Variants in SEC24B observed in about 807,000 individuals in gnomAD.
The protein encoded by SEC24B is protein transport protein Sec24B.
A neutral mutation model predicts 142.8 loss-of-function variants in SEC24B; 45 were observed. The observed-to-expected ratio is 0.32, with a 90% CI of 0.25 to 0.40. SEC24B has a LOEUF of 0.40. Ranked by LOEUF, SEC24B falls within the 10% of genes least tolerant of loss-of-function variation. The pLI is 1.00. For synonymous variants in SEC24B, 574 were observed against 568.2 expected (o/e 1.01, Z -0.15); for missense variants, 1,409 against 1,526.8 (o/e 0.92, Z 1.29).
intron 3 of SEC24B, among the ~76,000 whole-genome samples, chr4:109,479,489 C>T (rs1733511530): frequency 6.6e-6 from 1 of 152,188 alleles, no homozygotes; most frequent in Non-Finnish European, 1.5e-5. Flanking sequence ...ATTCACATAT[C>T]CTAGAATAGA....
intron 1 of SEC24B, among the ~76,000 whole-genome samples, chr4:109,461,520 G>T (rs1731254078): frequency 6.6e-6 from 1 of 152,034 alleles, no homozygotes; most frequent in African/African-American, 2.4e-5. Context: ...GAATAATGAG[G>T]ATTTATATAT....
chr4:109,515,170 G>A (rs185293594), intron 10 of SEC24B, among the ~76,000 whole-genome samples: 2 of 151,898 alleles, frequency 1.3e-5, no homozygotes, highest in Non-Finnish European at 2.9e-5. Flanking sequence ...GCACCATCCC[G>A]GCTCACTGCA....
chr4:109,501,065 G>C (rs764390674), intron 6 of SEC24B, among the ~76,000 whole-genome samples: 1 of 152,162 alleles, frequency 6.6e-6, no homozygotes, highest in African/African-American at 2.4e-5. Flanking sequence ...CTCACTCACT[G>C]ACTCACCCAG....
At chr4:109,506,009 G>A (rs1043587416) in intron 6 of SEC24B, among the ~76,000 whole-genome samples, 2 of 152,190 alleles carry the variant, frequency 1.3e-5, no homozygotes, top group Non-Finnish European at 2.9e-5. Context: ...GTAATTGGGG[G>A]AGGGGAACCT....
At chr4:109,440,121 A>C (rs1174025598) in intron 1 of SEC24B, among the ~76,000 whole-genome samples, 1 of 141,172 alleles carries the variant, frequency 7.1e-6, no homozygotes. Context: ...ACTTCGTCGC[A>C]AAAAAAAAAA....
At chr4:109,475,712 C>CT (rs1733040135) in intron 3 of SEC24B, among the ~76,000 whole-genome samples, 1 of 152,054 alleles carries the variant, frequency 6.6e-6, no homozygotes, top group African/African-American at 2.4e-5. Context: ...TGATACCTAC[C>CT]ATCGTCCTTT....
intron 1 of SEC24B, among the ~76,000 whole-genome samples, chr4:109,440,721 C>T (rs536901179): frequency 6.6e-6 from 1 of 152,282 alleles, no homozygotes; most frequent in East Asian, 1.9e-4. Context: ...TTCAGAACAC[C>T]GTTTTATAAA....
chr4:109,530,895 CAAAAAAA>C (rs35997146), intron 19 of SEC24B, among the ~76,000 whole-genome samples: 8 of 46,344 alleles, frequency 1.7e-4, no homozygotes, highest in East Asian at 1.8e-3. Context: ...GACTCCGTCT[CAAAAAAA>C]AAAAAAAAAA....
chr4:109,537,772 A>AAAATTCACATTT (rs1411431389), intron 22 of SEC24B, among the ~76,000 whole-genome samples: 1 of 152,256 alleles, frequency 6.6e-6, no homozygotes, highest in African/African-American at 2.4e-5. Context: ...AACATCTGAA[A>AAAATTCACATTT]AAATTCACAT....
At chr4:109,535,561 A>C (rs1473756096) in intron 22 of SEC24B, among the ~76,000 whole-genome samples, 2 of 148,660 alleles carry the variant, frequency 1.3e-5, no homozygotes, top group Non-Finnish European at 3.0e-5. Context: ...GTCTAAAAAA[A>C]AAAGTGGCTG....
At chr4:109,539,235 T>C (rs1238276253) in intron 23 of SEC24B, among the ~76,000 whole-genome samples, 1 of 152,038 alleles carries the variant, frequency 6.6e-6, no homozygotes, top group Non-Finnish European at 1.5e-5. Context: ...GTGCTGGGAT[T>C]ACAGGCGTGA....
At position 109,453,678 on chromosome 4, in the gene SEC24B, G is replaced by A. The variant is rs1414999499; in HGVS notation, c.134-9223G>A. ...AACACATATGCTCTACAAACAATTT[G>A]TGCAGTTAACGCAGTCATCACAGGG... is the stretch of plus-strand genomic sequence containing the variant. On this transcript the variant is annotated intron_variant, in intron 1 of 23. Coordinates refer to ENST00000265175, the MANE Select transcript of SEC24B (RefSeq NM_006323.5). Among the ~76,000 whole-genome samples, 7 of 152,166 alleles carry A rather than the reference G, an allele frequency of 4.6e-5. No individual in the cohort carries two copies. The East Asian group carries it at 1.4e-3, about 29-fold the overall frequency.
At position 109,470,527 on chromosome 4, in the gene SEC24B, T is replaced by A. The variant is rs530175683; in HGVS notation, c.878-2477T>A. Among the ~76,000 whole-genome samples the A allele has an allele frequency of 3.9e-5, 6 of 152,350 alleles. No homozygotes were observed. In the South Asian group the frequency reaches 1.0e-3, roughly 26 times the overall value. ...CCAAAGACCTCATTTCCTACAGAGC[T>A]GTCCCCAGGGCTGAGGGATTCGATA... On this transcript the variant is annotated intron_variant, in intron 2 of 23. Transcript: ENST00000265175.
intron 20 of SEC24B, among the ~76,000 whole-genome samples, chr4:109,532,197 T>A (rs1172026556): frequency 6.6e-6 from 1 of 152,206 alleles, no homozygotes; most frequent in Non-Finnish European, 1.5e-5. Flanking sequence ...CAATTTTGAT[T>A]ATATAGTAAA....
chr4:109,445,487 C>T (rs1327476211), intron 1 of SEC24B, among the ~76,000 whole-genome samples: 7 of 148,358 alleles, frequency 4.7e-5, no homozygotes, highest in South Asian at 4.3e-4. Context: ...GATCTGACCT[C>T]GTGATCCGCC....
At chr4:109,514,608 G>T (rs929160338) in intron 10 of SEC24B, among the ~76,000 whole-genome samples, 3 of 152,192 alleles carry the variant, frequency 2.0e-5, no homozygotes, top group African/African-American at 7.2e-5. Flanking sequence ...CTGAGGCCGA[G>T]AATTGCTTGA....
chr4:109,517,239 C>G (rs973368553), intron 11 of SEC24B, among the ~76,000 whole-genome samples: 4 of 152,138 alleles, frequency 2.6e-5, no homozygotes, highest in African/African-American at 9.7e-5. Flanking sequence ...TATCCATCAA[C>G]AGATGGATGG....
intron 6 of SEC24B, among the ~76,000 whole-genome samples, chr4:109,500,869 G>A (rs1736058345): frequency 1.3e-5 from 2 of 152,096 alleles, no homozygotes; most frequent in South Asian, 2.1e-4. Context: ...ATGTTATTCA[G>A]GCTGGTCTCA....
At position 109,538,437 on chromosome 4, in the gene SEC24B, A is replaced by G. The variant is rs149839425; in HGVS notation, c.3589-56A>G. ...ATGGTAGGAATCATGATTTTGTTCT[A>G]TTACTGCTGAAGTCTATGAGAAAGG... On this transcript the variant is annotated intron_variant, in intron 22 of 23. Transcript: ENST00000265175. 4.2e-6 allele frequency: 5 copies of G among 1,191,066 alleles called. No homozygotes were observed. The Admixed American group carries it at 6.8e-5, about 16-fold the overall frequency. The allele number at this position is 1,191,066 out of a possible 1,614,324, so 73.8% of individuals were successfully genotyped here.
Sources: gnomAD v4.1 joint callset for allele counts (sites outside exome capture counted in the v4.1 genomes callset) on GRCh38, gnomAD v4.1.1 for gene constraint, MANE v1.5 for transcripts, NCBI Gene and HGNC (gene_info 2026-07-23, HGNC 2026-07-21) for gene names.